The following NKAIN2 variants were observed in gnomAD, a reference collection of about 807,000 sequenced individuals.
NKAIN2 encodes the protein sodium/potassium transporting ATPase interacting 2, also known as sodium/potassium-transporting ATPase subunit beta-1-interacting protein 2.
Under a neutral mutation model 32.6 loss-of-function variants are expected in NKAIN2, and 14 were observed. The ratio of observed to expected loss-of-function variants is 0.43; its 90% CI spans 0.28 to 0.67. NKAIN2 has a LOEUF of 0.67. NKAIN2 is among the 30% of genes least tolerant of loss of function. The pLI, the probability that NKAIN2 is intolerant of heterozygous loss-of-function variation, is 0.17. For synonymous variants in NKAIN2, 80 were observed against 87.2 expected (o/e 0.92, Z 0.46); for missense variants, 198 against 258.3 (o/e 0.77, Z 1.60).
intron 4 of NKAIN2, among the ~76,000 whole-genome samples, chr6:124,785,720 T>C (rs571663797): frequency 4.1e-4 from 62 of 152,272 alleles, no homozygotes; most frequent in African/African-American, 1.4e-3. Flanking sequence ...GCTCCATATC[T>C]GGCAAGAGCC....
chr6:124,300,547 C>T (rs371763553), intron 2 of NKAIN2, among the ~76,000 whole-genome samples: 15 of 152,186 alleles, frequency 9.9e-5, no homozygotes, highest in South Asian at 4.1e-4. Flanking sequence ...AACAGGGTAA[C>T]GGGCAGAGTT....
intron 1 of NKAIN2, among the ~76,000 whole-genome samples, chr6:124,259,613 G>T (rs1794127880): frequency 6.6e-6 from 1 of 152,118 alleles, no homozygotes; most frequent in Non-Finnish European, 1.5e-5. Flanking sequence ...TGCTGTCATT[G>T]TTATTATTGA....
At chr6:124,066,600 G>A (rs1420318158) in intron 1 of NKAIN2, among the ~76,000 whole-genome samples, 4 of 152,096 alleles carry the variant, frequency 2.6e-5, no homozygotes, top group Non-Finnish European at 2.9e-5. Context: ...TGACCTCTCA[G>A]CAATAAATAG....
intron 1 of NKAIN2, among the ~76,000 whole-genome samples, chr6:124,090,524 G>C (rs530271054): frequency 1.9e-4 from 29 of 152,124 alleles, no homozygotes; most frequent in African/African-American, 6.7e-4. Context: ...AGAGGCATAA[G>C]TCAGATGAGA....
At position 123,923,698 on chromosome 6, in the gene NKAIN2, A is replaced by G. The variant is rs185796370; in HGVS notation, c.54+119444A>G. On this transcript the variant is annotated intron_variant, in intron 1 of 6. Coordinates refer to ENST00000368417, the MANE Select transcript of NKAIN2 (RefSeq NM_001040214.3). ...CAGTAAACTATCGCAAGAACAAAAA[A>G]CCAAACACCGCATATTCTCACTCAT... is the stretch of plus-strand genomic sequence containing the variant. Among the ~76,000 whole-genome samples, 1,180 of 149,534 alleles carry G rather than the reference A, an allele frequency of 7.9e-3. 11 individuals are homozygous for G. Among genetic ancestry groups the G allele is most frequent in the Non-Finnish European group, 9.9e-3 (671 of 67,508 alleles).
At chr6:124,546,094 C>A (rs1297959978) in intron 3 of NKAIN2, among the ~76,000 whole-genome samples, 1 of 151,984 alleles carries the variant, frequency 6.6e-6, no homozygotes, top group Non-Finnish European at 1.5e-5. Context: ...ATGTTGTTAT[C>A]GACAAAAAAT....
chr6:124,679,364 C>T (rs926592558), intron 4 of NKAIN2, among the ~76,000 whole-genome samples: 2 of 152,120 alleles, frequency 1.3e-5, no homozygotes, highest in African/African-American at 2.4e-5. Flanking sequence ...TTAGACAAGA[C>T]AGAAACCAGT....
At chr6:124,666,972 T>A (rs930522342) in intron 4 of NKAIN2, among the ~76,000 whole-genome samples, 8 of 152,240 alleles carry the variant, frequency 5.3e-5, no homozygotes, top group Admixed American at 5.2e-4. Flanking sequence ...CCACTGCTCA[T>A]TGAGAATACT....
At chr6:124,064,260 A>T (rs1269043414) in intron 1 of NKAIN2, among the ~76,000 whole-genome samples, 2 of 152,186 alleles carry the variant, frequency 1.3e-5, no homozygotes, top group Non-Finnish European at 2.9e-5. Context: ...ATGATTACAG[A>T]TTATTCACAT....
chr6:123,918,368 A>G (rs1021572235), intron 1 of NKAIN2, among the ~76,000 whole-genome samples: 8 of 152,230 alleles, frequency 5.3e-5, no homozygotes, highest in Non-Finnish European at 1.2e-4. Flanking sequence ...CTCTCTTAGT[A>G]TTTGAAAAGT....
At chr6:124,642,555 T>G (rs1784031895) in intron 3 of NKAIN2, among the ~76,000 whole-genome samples, 1 of 152,174 alleles carries the variant, frequency 6.6e-6, no homozygotes, top group Non-Finnish European at 1.5e-5. Flanking sequence ...GATGATAACT[T>G]AAAATTTAAT....
chr6:124,158,369 A>G (rs1788093091), intron 1 of NKAIN2, among the ~76,000 whole-genome samples: 1 of 152,188 alleles, frequency 6.6e-6, no homozygotes, highest in African/African-American at 2.4e-5. Flanking sequence ...TCACTCTGTC[A>G]TACCAGGGGT....
At chr6:124,397,439 A>C (rs771999146) in intron 3 of NKAIN2, among the ~76,000 whole-genome samples, 187 of 152,164 alleles carry the variant, frequency 1.2e-3, no homozygotes, top group Non-Finnish European at 2.4e-3. Context: ...GTGTACATTC[A>C]CTGTGTACCT....
chr6:124,577,902 C>A (rs757794864), intron 3 of NKAIN2, among the ~76,000 whole-genome samples: 8 of 152,122 alleles, frequency 5.3e-5, no homozygotes, highest in Non-Finnish European at 8.8e-5. Flanking sequence ...AGGCAGAATC[C>A]TGAGGCCCGC....
chr6:123,849,176 C>G (rs186347765), intron 1 of NKAIN2, among the ~76,000 whole-genome samples: 2 of 152,312 alleles, frequency 1.3e-5, no homozygotes, highest in Admixed American at 6.5e-5. Flanking sequence ...CTTTGTACAA[C>G]TTTTAGATAA....
At chr6:124,721,149 G>GC (rs1775996098) in intron 4 of NKAIN2, among the ~76,000 whole-genome samples, 1 of 152,146 alleles carries the variant, frequency 6.6e-6, no homozygotes, top group African/African-American at 2.4e-5. Flanking sequence ...GGGCGCGGTG[G>GC]CTCACGCCTG....
chr6:124,421,403 C>G (rs1583226294), intron 3 of NKAIN2, among the ~76,000 whole-genome samples: 1 of 152,244 alleles, frequency 6.6e-6, no homozygotes, highest in East Asian at 1.9e-4. Flanking sequence ...TTACCCAGAA[C>G]CTATCCATAT....
chr6:124,383,703 A>G (rs973567875), intron 3 of NKAIN2, among the ~76,000 whole-genome samples: 3 of 152,174 alleles, frequency 2.0e-5, no homozygotes, highest in African/African-American at 7.2e-5. Flanking sequence ...AGCACCTATC[A>G]TGTACTTATC....
intron 1 of NKAIN2, among the ~76,000 whole-genome samples, chr6:123,999,244 A>G (rs1484325204): frequency 6.6e-6 from 1 of 152,152 alleles, no homozygotes; most frequent in African/African-American, 2.4e-5. Context: ...TGCCTACATT[A>G]TTCATGAAAA....
Sources: allele counts gnomAD v4.1 joint callset (sites outside exome capture counted in the v4.1 genomes callset), GRCh38; gene constraint gnomAD v4.1.1; transcripts MANE v1.5; gene names NCBI Gene and HGNC (gene_info 2026-07-23, HGNC 2026-07-21).